The following ZFHX4 variants were observed in gnomAD, a reference collection of about 807,000 sequenced individuals.
ZFHX4 encodes zinc finger homeobox 4, also known as zinc finger homeobox protein 4.
A neutral mutation model predicts 267.6 loss-of-function variants in ZFHX4; 56 were observed. The observed-to-expected ratio is 0.21, with a 90% CI of 0.17 to 0.26. The LOEUF (loss-of-function observed/expected upper bound fraction) is 0.26, where lower values mean the gene tolerates loss of function less well. Ranked by LOEUF, ZFHX4 falls within the 10% of genes least tolerant of loss-of-function variation. ZFHX4 has a pLI of 1.00. For synonymous variants in ZFHX4, 1,778 were observed against 1,665.6 expected, an observed-to-expected ratio of 1.07 and a Z score of -1.64; for missense variants, 4,332 against 4,420.0, an observed-to-expected ratio of 0.98 and a Z score of 0.56.
Position 76,724,852 on chromosome 8 carries a change from A to G in ZFHX4, c.3093+16804A>G, listed in dbSNP as rs375594579. Among the ~76,000 whole-genome samples the G allele has an allele frequency of 6.8e-3, 1,033 of 152,160 alleles. 6 individuals are homozygous for G. The highest frequency in any genetic ancestry group is 0.01 in the Middle Eastern group (3 of 294). ...CACAGGCCCACTGGGTTACATGCTC[A>G]TTTGTAACTCACTGTAATGATTCTT... On this transcript the variant is annotated intron_variant, in intron 3 of 10. Transcript: ENST00000651372.
rs140452218 is a variant in ZFHX4, at chr8:76,755,106, A to G, written c.3094-23102A>G. Among the ~76,000 whole-genome samples the G allele has an allele frequency of 5.1e-3, 772 of 152,282 alleles. 6 individuals are homozygous for G. The highest frequency in any genetic ancestry group is 0.018 in the African/African-American group (729 of 41,562). ...TATTTATTATTTTTAATTTGTATTTATTTAACTAATAGGTCAAACTTTATA... is the reference window on the plus strand; with the variant it reads ...TATTTATTATTTTTAATTTGTATTTGTTTAACTAATAGGTCAAACTTTATA... On this transcript the variant is annotated intron_variant, in intron 3 of 10. Transcript: ENST00000651372.
chr8:76,863,184 C>A lies in ZFHX4; in HGVS notation c.9470C>A (p.Pro3157His). Residue 3157 changes from proline (P) to histidine (H), a missense_variant, in exon 11 of 11, where the codon CCT becomes CAT. By Grantham distance (77) the Pro-to-His change is moderately conservative. This residue lies in a region of ZFHX4 where 1,648 missense variants were observed against 1,625.0 expected (regional missense o/e 1.01). Coordinates refer to ENST00000651372, the MANE Select transcript of ZFHX4 (RefSeq NM_024721.5). ...TCTCTCAGCAGTGCCCCCACCAAAC[C>A]TTTGCTGCAGACTCCACCACCTCCA... ...ALSLSSAPTK[P>H]LLQTPPPPPP... 6.4e-7 allele frequency: 1 copy of A among 1,559,288 alleles called. No individual in the cohort carries two copies. Among genetic ancestry groups the A allele is most frequent in the Non-Finnish European group, 8.7e-7 (1 of 1,151,152 alleles).
At chr8:76,838,689 T>G (rs1812154164) in intron 5 of ZFHX4, among the ~76,000 whole-genome samples, 1 of 152,104 alleles carries the variant, frequency 6.6e-6, no homozygotes, top group African/African-American at 2.4e-5. Flanking sequence ...ACTTCATGGG[T>G]TGAAAAAGTA....
chr8:76,709,111 A>G (rs769055528), intron 3 of ZFHX4, among the ~76,000 whole-genome samples: 2 of 152,294 alleles, frequency 1.3e-5, no homozygotes, highest in Non-Finnish European at 2.9e-5. Context: ...TAAAATTATA[A>G]CCACACATGA....
In ZFHX4 at chr8:76,767,939, T is replaced by C. The variant is rs145404576; in HGVS notation, c.3094-10269T>C. On this transcript the variant is annotated intron_variant, in intron 3 of 10. Transcript: ENST00000651372. ...TGTATAAATAACTGTAACACAAAAA[T>C]AGAATATGTTAATCAGCATAAAGGG... is the stretch of plus-strand genomic sequence containing the variant. Among the ~76,000 whole-genome samples the C allele has an allele frequency of 2.6e-5, 4 of 152,304 alleles. No individual in the cohort carries two copies. In the East Asian group the frequency reaches 7.7e-4, roughly 29 times the overall value.
intron 3 of ZFHX4, among the ~76,000 whole-genome samples, chr8:76,723,867 C>G (rs562299510): frequency 6.6e-6 from 1 of 152,044 alleles, no homozygotes; most frequent in African/African-American, 2.4e-5. Context: ...GGGAAAGTGA[C>G]GAGTTTGAAT....
At chr8:76,826,980 G>A (rs1328168771) in intron 4 of ZFHX4, among the ~76,000 whole-genome samples, 1 of 152,176 alleles carries the variant, frequency 6.6e-6, no homozygotes, top group Non-Finnish European at 1.5e-5. Context: ...TTATGGATAG[G>A]GATCAGTTCC....
chr8:76,811,034 A>G (rs1019884959), intron 4 of ZFHX4, among the ~76,000 whole-genome samples: 5 of 152,148 alleles, frequency 3.3e-5, no homozygotes, highest in Admixed American at 6.6e-5. Context: ...GGGAAGCAGT[A>G]TATATCTAAA....
At chr8:76,750,527 A>T (rs1585907912) in intron 3 of ZFHX4, among the ~76,000 whole-genome samples, 1 of 152,276 alleles carries the variant, frequency 6.6e-6, no homozygotes, top group East Asian at 1.9e-4. Flanking sequence ...CTTACAAGGT[A>T]AAATGTAAAG....
intron 3 of ZFHX4, among the ~76,000 whole-genome samples, chr8:76,720,935 C>T (rs1217973468): frequency 6.6e-6 from 1 of 152,164 alleles, no homozygotes; most frequent in Non-Finnish European, 1.5e-5. Flanking sequence ...AGGACTTGAA[C>T]TCAGACTGTC....
In ZFHX4 at chr8:76,706,098, G is replaced by A. The variant is rs190829881; in HGVS notation, c.2010G>A (p.Pro670=). 4 of 1,613,550 alleles carry A rather than the reference G, an allele frequency of 2.5e-6. No homozygotes were observed. Among genetic ancestry groups the A allele is most frequent in the Middle Eastern group, 3.3e-4 (2 of 6,060 alleles). ...EAHMKEKHPE[P]GGSCVYCKTG... ...ATATGAAGGAGAAACACCCTGAGCC[G>A]GGTGGCTCTTGTGTTTATTGTAAGA... is the stretch of plus-strand genomic sequence containing the variant. Residue 670 remains proline (P), a synonymous_variant, in exon 2 of 11, where the codon CCG becomes CCA. Coordinates refer to ENST00000651372, the MANE Select transcript of ZFHX4 (RefSeq NM_024721.5).
intron 4 of ZFHX4, among the ~76,000 whole-genome samples, chr8:76,829,787 C>A (rs971622598): frequency 2.0e-5 from 3 of 152,070 alleles, no homozygotes; most frequent in Non-Finnish European, 4.4e-5. Flanking sequence ...CCACTGCACT[C>A]CGGCCTGGGT....
Position 76,705,214 on chromosome 8 carries a change from C to A in ZFHX4, c.1126C>A (p.Pro376Thr), listed in dbSNP as rs1248444058. 6.2e-7 allele frequency: 1 copy of A among 1,613,934 alleles called. No homozygotes were observed. Among genetic ancestry groups the A allele is most frequent in the Admixed American group, 1.7e-5 (1 of 60,020 alleles). The change falls in exon 2 of 11, where the codon CCG (proline) becomes ACG (threonine). Residue 376 changes from proline to threonine, a missense_variant. Physicochemically the swap from Pro to Thr is conservative, Grantham distance 38. Coordinates refer to ENST00000651372, the MANE Select transcript of ZFHX4 (RefSeq NM_024721.5). ...AFHVENGDSL[P>T]AGFAFLKGSA... ...TCATGTTGAAAATGGTGACTCTTTG[C>A]CGGCTGGCTTTGCCTTCTTAAAAGG...
intron 3 of ZFHX4, among the ~76,000 whole-genome samples, chr8:76,734,967 A>C (rs569896167): frequency 8.5e-5 from 13 of 152,308 alleles, no homozygotes; most frequent in Non-Finnish European, 1.8e-4. Flanking sequence ...TGTTTGAAGC[A>C]TATTTTAAAG....
Position 76,705,892 on chromosome 8 carries a change from G to C in ZFHX4, c.1804G>C (p.Gly602Arg), listed in dbSNP as rs1808251498. ...TACCCCGAGTACTCCTGGCACACCA[G>C]GGCCTGGAGGAGACGGCTCACCGGG... ...GFTPSTPGTP[G>R]PGGDGSPGSG... is the part of the protein sequence containing the mutation. The change falls in exon 2 of 11, where the codon GGG (glycine) becomes CGG (arginine). Residue 602 changes from glycine (G) to arginine (R), a missense_variant. Physicochemically the swap from Gly to Arg is moderately radical, Grantham distance 125. Around this residue, in one of 7 missense-constraint regions of ZFHX4, gnomAD observed 1,195 missense variants for 1,173.6 expected, o/e 1.02. Transcript: ENST00000651372. 6.2e-7 allele frequency: 1 copy of C among 1,613,628 alleles called. No individual in the cohort carries two copies. The highest frequency in any genetic ancestry group is 1.3e-5 in the African/African-American group (1 of 74,836).
chr8:76,828,197 T>C (rs182196751), intron 4 of ZFHX4, among the ~76,000 whole-genome samples: 155 of 152,254 alleles, frequency 1.0e-3, no homozygotes, highest in African/African-American at 3.6e-3. Flanking sequence ...TAATAATAAA[T>C]GTTGAATTTT....
intron 6 of ZFHX4, among the ~76,000 whole-genome samples, chr8:76,847,228 G>A (rs1388711162): frequency 6.6e-6 from 1 of 151,948 alleles, no homozygotes; most frequent in Non-Finnish European, 1.5e-5. Context: ...ATTCAGCTTT[G>A]AGAAAGAAAC....
intron 2 of ZFHX4, 146 bp downstream of exon 2, chr8:76,706,824 C>A: frequency 1.1e-6 from 1 of 933,616 alleles, no homozygotes; most frequent in Non-Finnish European, 1.5e-6. Flanking sequence ...ATAATCAAAC[C>A]ATTTGCTCTT....
At chr8:76,797,793 A>G (rs1811014848) in intron 4 of ZFHX4, among the ~76,000 whole-genome samples, 1 of 152,048 alleles carries the variant, frequency 6.6e-6, no homozygotes, top group Admixed American at 6.6e-5. Flanking sequence ...TGTAAAAGTG[A>G]TGTAACTATA....
Sources: gnomAD v4.1 joint callset for allele counts (sites outside exome capture counted in the v4.1 genomes callset) on GRCh38, gnomAD v4.1.1 for gene constraint, gnomAD v4.1.1 regional missense constraint, MANE v1.5 for transcripts, NCBI Gene and HGNC (gene_info 2026-07-23, HGNC 2026-07-21) for gene names.